Variants in FOCAD observed in about 807,000 individuals in gnomAD.
FOCAD encodes the protein focadhesin.
Under a neutral mutation model 225.6 loss-of-function variants are expected in FOCAD, and 198 were observed. The ratio of observed to expected loss-of-function variants is 0.88; its 90% CI spans 0.78 to 0.99. The LOEUF (loss-of-function observed/expected upper bound fraction) is 0.99. Ranked by LOEUF, FOCAD falls within the 50% of genes least tolerant of loss-of-function variation. FOCAD has a pLI of 0.00. For synonymous variants in FOCAD, 897 were observed against 755.0 expected (o/e 1.19, Z -3.08); for missense variants, 2,713 against 2,123.6 (o/e 1.28, Z -5.46).
At chr9:20,720,572 AGTTTTTAGG>A (rs1416842823) in intron 4 of FOCAD, 38 bp downstream of exon 4, 1 of 1,593,446 alleles carries the variant, frequency 6.3e-7, no homozygotes. Context: ...TAATGATTTA[AGTTTTTAGG>A]AAAAAAATTC....
chr9:20,768,842 A>G (rs567996672), intron 7 of FOCAD, among the ~76,000 whole-genome samples: 2 of 151,508 alleles, frequency 1.3e-5, no homozygotes, highest in South Asian at 2.1e-4. Flanking sequence ...TACCTATTAT[A>G]TTATTAAATA....
At chr9:20,749,031 C>A (rs1828310344) in intron 5 of FOCAD, among the ~76,000 whole-genome samples, 1 of 151,428 alleles carries the variant, frequency 6.6e-6, no homozygotes, top group Admixed American at 6.6e-5. Context: ...GTTTTTTTTC[C>A]CCCAGTGATC....
chr9:20,976,372 A>G (rs770103069), intron 35 of FOCAD, 48 bp from the exon 36 acceptor site: 22 of 1,588,382 alleles, frequency 1.4e-5, no homozygotes, highest in South Asian at 1.0e-4. Context: ...TTCCACTTCC[A>G]TGATAGTATG....
rs10629839 is a variant in FOCAD at position 20,866,888 on chromosome 9, CTTTTTTTTTTT to C, written c.2107-22_2107-12del. 3.9e-3 allele frequency: 1,328 copies of C among 341,748 alleles called. 3 individuals are homozygous for C. Among genetic ancestry groups the C allele is most frequent in the East Asian group, 0.026 (291 of 11,360 alleles). 21.2% of individuals were successfully genotyped at this position (341,748 alleles called of 1,614,324 possible). A position where few individuals can be genotyped will look rare whatever the true frequency, so the allele number is the denominator to read the frequency against. On this transcript the variant is annotated intron_variant, in intron 17 of 43. Transcript: ENST00000338382. ...CATGTTGTGTTTTTTTGTTTGCTTG[CTTTTTTTTTTT>C]TTTTTTTTTTTTTTTTTTACCCTAT...
intron 15 of FOCAD, among the ~76,000 whole-genome samples, chr9:20,829,267 T>C (rs1199430463): frequency 1.3e-5 from 2 of 152,112 alleles, no homozygotes; most frequent in Non-Finnish European, 2.9e-5. Context: ...GTAAAAGTGT[T>C]CCTATTTCTC....
At chr9:20,829,886 C>T (rs1825311529) in intron 15 of FOCAD, among the ~76,000 whole-genome samples, 1 of 152,054 alleles carries the variant, frequency 6.6e-6, no homozygotes, top group South Asian at 2.1e-4. Flanking sequence ...TTACTGAGTA[C>T]TTTCTATATA....
Position 20,907,142 on chromosome 9 carries a change from TC to T in FOCAD, c.2626-5del. 1 of 1,608,604 alleles carries T rather than the reference TC, an allele frequency of 6.2e-7. No individual in the cohort carries two copies. Among genetic ancestry groups the T allele is most frequent in the East Asian group, 2.2e-5 (1 of 44,804 alleles). On this transcript the variant is annotated splice_region_variant and splice_polypyrimidine_tract_variant and intron_variant, in intron 21 of 43. Transcript: ENST00000338382. ...AGCCTAATATGTTGTGGTACATTTT[TC>T]CCATAGGTTCATATCCAGCTTTCAG...
chr9:20,860,968 G>A lies in FOCAD; in HGVS notation c.1921-1610G>A, dbSNP rs552401853. On this transcript the variant is annotated intron_variant, in intron 15 of 43. Transcript: ENST00000338382. ...TTCCCCACCAATACTTGTGCTTTTT[G>A]TACCTATAACATGTTGTTTTTTGTT... Among the ~76,000 whole-genome samples the A allele has an allele frequency of 3.3e-5, 5 of 152,132 alleles. No homozygotes were observed. In the Middle Eastern group the frequency reaches 0.014, roughly 414 times the overall value.
At chr9:20,816,186 A>G (rs1037430635) in intron 11 of FOCAD, among the ~76,000 whole-genome samples, 8 of 152,130 alleles carry the variant, frequency 5.3e-5, no homozygotes, top group African/African-American at 1.9e-4. Context: ...CTCCCCTGAC[A>G]GTATAATTAT....
chr9:20,945,309 G>C (rs1055588308), intron 29 of FOCAD, among the ~76,000 whole-genome samples: 3 of 152,210 alleles, frequency 2.0e-5, no homozygotes. Flanking sequence ...CATGTTTTTA[G>C]ATGGAACATT....
chr9:20,923,032 A>G (rs762499607), intron 24 of FOCAD, among the ~76,000 whole-genome samples: 1 of 152,222 alleles, frequency 6.6e-6, no homozygotes, highest in Non-Finnish European at 1.5e-5. Flanking sequence ...TTTCAGTCCA[A>G]ATAGTCTAAA....
chr9:20,827,756 A>G (rs1236426898), intron 15 of FOCAD, among the ~76,000 whole-genome samples: 1 of 152,132 alleles, frequency 6.6e-6, no homozygotes, highest in Non-Finnish European at 1.5e-5. Context: ...AGGGAAGAGG[A>G]AATAGGAGAT....
At chr9:20,755,567 G>A (rs28413158) in intron 5 of FOCAD, among the ~76,000 whole-genome samples, 12 of 152,106 alleles carry the variant, frequency 7.9e-5, no homozygotes, top group African/African-American at 2.9e-4. Context: ...GAAGGGAGAT[G>A]ACTTATAAAG....
chr9:20,958,038 G>T (rs1486057018), intron 35 of FOCAD, among the ~76,000 whole-genome samples: 1 of 152,030 alleles, frequency 6.6e-6, no homozygotes, highest in Non-Finnish European at 1.5e-5. Flanking sequence ...GGCTGCCTGG[G>T]TTCATATCCC....
At chr9:20,797,744 G>T (rs1189275780) in intron 11 of FOCAD, among the ~76,000 whole-genome samples, 1 of 152,080 alleles carries the variant, frequency 6.6e-6, no homozygotes, top group Non-Finnish European at 1.5e-5. Context: ...AGCAGATTTT[G>T]GGCTGAGACG....
chr9:20,994,508 A>G (rs1479085769), intron 43 of FOCAD, among the ~76,000 whole-genome samples: 1 of 152,128 alleles, frequency 6.6e-6, no homozygotes, highest in East Asian at 1.9e-4. Flanking sequence ...ACCTATTACT[A>G]TGGTACAGTT....
intron 7 of FOCAD, among the ~76,000 whole-genome samples, chr9:20,769,151 T>G (rs1483830188): frequency 2.0e-5 from 3 of 152,210 alleles, no homozygotes; most frequent in East Asian, 3.8e-4. Flanking sequence ...TAACAATGTT[T>G]TCTGCTATTT....
rs187157888 is a variant in FOCAD, at chr9:20,773,153, C to T, written c.906+2915C>T. Among the ~76,000 whole-genome samples the T allele has an allele frequency of 4.6e-5, 7 of 152,208 alleles. No individual in the cohort carries two copies. The East Asian group carries it at 1.4e-3, about 29-fold the overall frequency. Reference sequence around the variant, plus strand: ...TGTGAGTAGCAAGTATAATTTCATACAGTTTAGTCCTTTTTAGTATAATTC... The same window carrying T: ...TGTGAGTAGCAAGTATAATTTCATATAGTTTAGTCCTTTTTAGTATAATTC... On this transcript the variant is annotated intron_variant, in intron 8 of 43. Transcript: ENST00000338382.
chr9:20,732,121 T>C (rs768671969), intron 4 of FOCAD, among the ~76,000 whole-genome samples: 1 of 152,198 alleles, frequency 6.6e-6, no homozygotes, highest in African/African-American at 2.4e-5. Context: ...TTATTATCTC[T>C]TGTATTTCTG....
Sources: gnomAD v4.1 joint callset for allele counts (sites outside exome capture counted in the v4.1 genomes callset) on GRCh38, gnomAD v4.1.1 for gene constraint, MANE v1.5 for transcripts, NCBI Gene and HGNC (gene_info 2026-07-23, HGNC 2026-07-21) for gene names.